CLYBL: variants seen among roughly 807,000 people sequenced by gnomAD.
CLYBL encodes citramalyl-CoA lyase.
Under a neutral mutation model 38.9 loss-of-function variants are expected in CLYBL, and 31 were observed. The observed-to-expected ratio is 0.80, with a 90% confidence interval of 0.60 to 1.08. The LOEUF (loss-of-function observed/expected upper bound fraction) is 1.08, where lower values mean the gene tolerates loss of function less well. Among genes scored for constraint, CLYBL ranks in the 50% least tolerant of loss-of-function variants. The pLI, the probability that CLYBL is intolerant of heterozygous loss-of-function variation, is 0.00. For missense variants in CLYBL, 434 were observed against 411.6 expected (o/e 1.05, Z -0.47); for synonymous variants, 171 against 158.6 (o/e 1.08, Z -0.59).
At chr13:99,767,579 A>AGT (rs150562641) in intron 1 of CLYBL, among the ~76,000 whole-genome samples, 8 of 151,976 alleles carry the variant, frequency 5.3e-5, no homozygotes, top group South Asian at 2.1e-4. Flanking sequence ...GAATTCCCAC[A>AGT]GTGTGTGTGT....
chr13:99,767,989 C>T (rs2049301313), intron 1 of CLYBL, among the ~76,000 whole-genome samples: 1 of 151,968 alleles, frequency 6.6e-6, no homozygotes, highest in Admixed American at 6.6e-5. Context: ...ATATTTTCAT[C>T]TTTCTTCATA....
chr13:99,788,553 C>T (rs946668470), intron 2 of CLYBL, among the ~76,000 whole-genome samples: 2 of 152,204 alleles, frequency 1.3e-5, no homozygotes, highest in African/African-American at 4.8e-5. Context: ...ATGAAGCCCA[C>T]TTGATCATGG....
At chr13:99,611,050 T>G (rs984268888) in intron 1 of CLYBL, among the ~76,000 whole-genome samples, 6 of 152,216 alleles carry the variant, frequency 3.9e-5, no homozygotes, top group African/African-American at 1.4e-4. Context: ...GCTTTCCCCC[T>G]CTAGTGGCTG....
chr13:99,866,876 C>T (rs990011217), intron 6 of CLYBL, among the ~76,000 whole-genome samples: 10 of 152,052 alleles, frequency 6.6e-5, no homozygotes, highest in Admixed American at 2.6e-4. Flanking sequence ...TTTTGCTCTT[C>T]TGCCACTCCA....
chr13:99,903,403 T>TACACTCAC (rs1214155245), intron 8 of CLYBL, among the ~76,000 whole-genome samples: 11 of 137,720 alleles, frequency 8.0e-5, no homozygotes, highest in African/African-American at 2.8e-4. Flanking sequence ...GACACACACA[T>TACACTCAC]ACACTCACAC....
At chr13:99,725,455 G>A (rs1211577385) in intron 1 of CLYBL, among the ~76,000 whole-genome samples, 2 of 152,174 alleles carry the variant, frequency 1.3e-5, no homozygotes, top group South Asian at 2.1e-4. Context: ...CCCCAGGATG[G>A]TCAGGATCAG....
At position 99,869,568 on chromosome 13, in the gene CLYBL, A is replaced by G. The variant is rs1331135027; in HGVS notation, c.803-1370A>G. Reference sequence around the variant, plus strand: ...AACATTTTATTAGTATGCTGACAGAAAAGAATGAAATAGCAATGTGAGGAT... The same window carrying G: ...AACATTTTATTAGTATGCTGACAGAGAAGAATGAAATAGCAATGTGAGGAT... On this transcript the variant is annotated intron_variant, in intron 6 of 8. Coordinates refer to ENST00000339105, the MANE Select transcript of CLYBL (RefSeq NM_206808.5). The surrounding 1 kb of genome is among the most constrained non-coding windows in gnomAD (Gnocchi z 4.3). Among the ~76,000 whole-genome samples, 1 of 152,162 alleles carries G rather than the reference A, an allele frequency of 6.6e-6. No homozygotes were observed. The highest frequency in any genetic ancestry group is 1.5e-5 in the Non-Finnish European group (1 of 67,984).
chr13:99,614,235 G>GCA (rs1381960462), intron 1 of CLYBL, among the ~76,000 whole-genome samples: 7 of 152,134 alleles, frequency 4.6e-5, no homozygotes. Context: ...AAGAACTGGA[G>GCA]CAAGAGTCTT....
chr13:99,863,610 C>T (rs1483656256), intron 4 of CLYBL, among the ~76,000 whole-genome samples: 2 of 152,208 alleles, frequency 1.3e-5, no homozygotes, highest in African/African-American at 4.8e-5. Context: ...AGAATATCTT[C>T]TAATATACAT....
intron 1 of CLYBL, among the ~76,000 whole-genome samples, chr13:99,754,670 C>T (rs1263147815): frequency 1.3e-5 from 2 of 151,470 alleles, no homozygotes. Flanking sequence ...CTGCAACCTC[C>T]ACCTCCTGGG....
intron 1 of CLYBL, among the ~76,000 whole-genome samples, chr13:99,619,315 T>C (rs2046760172): frequency 6.6e-6 from 1 of 152,162 alleles, no homozygotes; most frequent in South Asian, 2.1e-4. Context: ...TAAGGCGCCA[T>C]ATTGGAAGCA....
chr13:99,752,437 C>T (rs928267406), intron 1 of CLYBL, among the ~76,000 whole-genome samples: 3 of 152,140 alleles, frequency 2.0e-5, no homozygotes, highest in African/African-American at 7.2e-5. Flanking sequence ...TGGAGTTGCA[C>T]ATGAGTGATA....
chr13:99,865,961 G>A lies in CLYBL; in HGVS notation c.635-279G>A, dbSNP rs758474719. On this transcript the variant is annotated intron_variant, in intron 5 of 8. Transcript: ENST00000339105. The surrounding 1 kb of genome is among the most constrained non-coding windows in gnomAD (Gnocchi z 4.7). Reference sequence around the variant, plus strand: ...AAAAAATATATCAGGAGTCCCTTGCGACCCTGACCCAGCCTCCCAGAATGG... The same window carrying A: ...AAAAAATATATCAGGAGTCCCTTGCAACCCTGACCCAGCCTCCCAGAATGG... Among the ~76,000 whole-genome samples, 12 of 152,166 alleles carry A rather than the reference G, an allele frequency of 7.9e-5. No homozygotes were observed. The highest frequency in any genetic ancestry group is 1.6e-4 in the Non-Finnish European group (11 of 68,032).
At chr13:99,863,394 T>C (rs980427949) in intron 4 of CLYBL, among the ~76,000 whole-genome samples, 1 of 152,244 alleles carries the variant, frequency 6.6e-6, no homozygotes, top group Non-Finnish European at 1.5e-5. Flanking sequence ...CTTTGAATTA[T>C]TGCATTTATA....
chr13:99,764,291 T>A (rs2049225341), intron 1 of CLYBL, among the ~76,000 whole-genome samples: 1 of 152,038 alleles, frequency 6.6e-6, no homozygotes, highest in African/African-American at 2.4e-5. Flanking sequence ...GCTCTTCAGT[T>A]TTTTTGAAGA....
chr13:99,684,465 A>G (rs2047788606), intron 1 of CLYBL, among the ~76,000 whole-genome samples: 1 of 152,180 alleles, frequency 6.6e-6, no homozygotes, highest in South Asian at 2.1e-4. Context: ...AAAAACAAAC[A>G]AACAAAAAAT....
intron 1 of CLYBL, among the ~76,000 whole-genome samples, chr13:99,699,997 GTAAAA>G (rs1313472841): frequency 1.3e-5 from 2 of 151,726 alleles, no homozygotes; most frequent in Admixed American, 1.3e-4. Context: ...ATCTAAAAAA[GTAAAA>G]TAAAATAAAA....
intron 2 of CLYBL, among the ~76,000 whole-genome samples, chr13:99,817,116 C>T (rs1007565725): frequency 1.3e-5 from 2 of 152,194 alleles, no homozygotes; most frequent in African/African-American, 4.8e-5. Flanking sequence ...TCCCTGCTAA[C>T]TTTCTTTCCC....
At chr13:99,846,475 G>A (rs7982186) in intron 2 of CLYBL, among the ~76,000 whole-genome samples, 9,189 of 152,144 alleles carry the variant, frequency 0.06, 660 homozygotes, top group African/African-American at 0.17. Flanking sequence ...CGTACCTGCA[G>A]GAAGTATTTC....
Sources: allele counts gnomAD v4.1 joint callset (sites outside exome capture counted in the v4.1 genomes callset), GRCh38; gene constraint gnomAD v4.1.1; non-coding constraint Gnocchi (gnomAD v3.1); transcripts MANE v1.5; gene names NCBI Gene and HGNC (gene_info 2026-07-23, HGNC 2026-07-21).